The following DPYD variants were observed in gnomAD, a reference collection of about 807,000 sequenced individuals.
DPYD encodes the protein dihydropyrimidine dehydrogenase [NADP(+)].
A neutral mutation model predicts 116.2 loss-of-function variants in DPYD; 109 were observed. The ratio of observed to expected loss-of-function variants is 0.94; its 90% CI spans 0.80 to 1.10. The LOEUF (loss-of-function observed/expected upper bound fraction) is 1.10. Among genes scored for constraint, DPYD ranks in the 50% least tolerant of loss-of-function variants. The pLI, the probability that DPYD is intolerant of heterozygous loss-of-function variation, is 0.00. For synonymous variants in DPYD, 440 were observed against 432.0 expected, an observed-to-expected ratio of 1.02 and a Z score of -0.23; for missense variants, 1,302 against 1,254.5, an observed-to-expected ratio of 1.04 and a Z score of -0.57.
intron 2 of DPYD, among the ~76,000 whole-genome samples, chr1:97,840,361 G>T (rs934586186): frequency 6.6e-6 from 1 of 151,970 alleles, no homozygotes; most frequent in Admixed American, 6.6e-5. Flanking sequence ...GCATCCAAGC[G>T]GAAAATGGGG....
At chr1:97,856,130 G>A (rs1396342744) in intron 2 of DPYD, 1 of 152,100 alleles carries the variant, frequency 6.6e-6, no homozygotes, top group Non-Finnish European at 1.5e-5. Context: ...ACTGAAAGAG[G>A]GGAGGTCATA....
chr1:97,477,115 T>C (rs1200607979), intron 13 of DPYD, among the ~76,000 whole-genome samples: 1 of 152,208 alleles, frequency 6.6e-6, no homozygotes, highest in Non-Finnish European at 1.5e-5. Flanking sequence ...TGAAATTTGC[T>C]GTATCACTTG....
chr1:97,458,080 T>C (rs1270399781), intron 13 of DPYD, among the ~76,000 whole-genome samples: 1 of 152,224 alleles, frequency 6.6e-6, no homozygotes, highest in Non-Finnish European at 1.5e-5. Flanking sequence ...GATCATGTGA[T>C]ATGCTTTGAA....
intron 20 of DPYD, among the ~76,000 whole-genome samples, chr1:97,100,158 T>G (rs536889930): frequency 6.6e-6 from 1 of 152,194 alleles, no homozygotes; most frequent in East Asian, 1.9e-4. Context: ...ATAAAACAAG[T>G]GATACTGACT....
chr1:97,651,079 C>T (rs938780580), intron 8 of DPYD, among the ~76,000 whole-genome samples: 1 of 152,086 alleles, frequency 6.6e-6, no homozygotes, highest in Non-Finnish European at 1.5e-5. Context: ...TCTCTTTGGG[C>T]ACCGTTATTT....
chr1:97,396,694 A>G (rs1483671570), intron 14 of DPYD, among the ~76,000 whole-genome samples: 1 of 152,024 alleles, frequency 6.6e-6, no homozygotes, highest in African/African-American at 2.4e-5. Context: ...TTATCTTGAC[A>G]TATCAAACTG....
Position 97,107,022 on chromosome 1 carries a change from C to T in DPYD, c.2623-8390G>A, listed in dbSNP as rs565951102. On this transcript the variant is annotated intron_variant, in intron 20 of 22. Coordinates refer to ENST00000370192, the MANE Select transcript of DPYD (RefSeq NM_000110.4). ...GGAGAACTCTAATACACGTAGTATTCGGGAAACAGAGAACCAACACTGACT... is the reference window on the plus strand; with the variant it reads ...GGAGAACTCTAATACACGTAGTATTTGGGAAACAGAGAACCAACACTGACT... Among the ~76,000 whole-genome samples the T allele has an allele frequency of 1.8e-4, 28 of 152,122 alleles. 1 individual carries two copies. The highest frequency in any genetic ancestry group is 1.8e-3 in the Admixed American group (27 of 15,278).
At chr1:97,911,841 CAAT>C (rs1673953069) in intron 1 of DPYD, among the ~76,000 whole-genome samples, 1 of 152,016 alleles carries the variant, frequency 6.6e-6, no homozygotes, top group African/African-American at 2.4e-5. Flanking sequence ...CCATTCACGA[CAAT>C]AATCTGAGGT....
intron 20 of DPYD, among the ~76,000 whole-genome samples, chr1:97,108,255 G>C (rs1651320408): frequency 6.6e-6 from 1 of 152,124 alleles, no homozygotes; most frequent in African/African-American, 2.4e-5. Context: ...TTTGCTGTCA[G>C]CTGGTTTTGT....
rs1293267152 is a variant in DPYD at position 97,278,008 on chromosome 1, T to C, written c.2299+27251A>G. The stretch of plus-strand genomic sequence containing the variant: ...AGCCCTTTGTCTTTGGGATTTCTGA[T>C]CTATTTATTTAGTTTGTGATTGCCT... On this transcript the variant is annotated intron_variant, in intron 18 of 22. Transcript: ENST00000370192. Among the ~76,000 whole-genome samples the C allele has an allele frequency of 2.6e-5, 4 of 152,206 alleles. No homozygotes were observed. In the East Asian group the frequency reaches 5.8e-4, roughly 22 times the overall value.
intron 2 of DPYD, among the ~76,000 whole-genome samples, chr1:97,850,139 G>A (rs1670500478): frequency 6.6e-6 from 1 of 152,192 alleles, no homozygotes; most frequent in Non-Finnish European, 1.5e-5. Flanking sequence ...TGCACAAGCT[G>A]AGCTGTCTAA....
intron 16 of DPYD, among the ~76,000 whole-genome samples, chr1:97,323,345 C>CAT (rs200241550): frequency 0.3 from 6,511 of 22,026 alleles, 1,435 homozygotes; most frequent in East Asian, 0.5. Context: ...CGTATATATA[C>CAT]ATGTGTATAT....
intron 8 of DPYD, among the ~76,000 whole-genome samples, chr1:97,605,567 C>T (rs1346353713): frequency 6.6e-6 from 1 of 152,064 alleles, no homozygotes; most frequent in Non-Finnish European, 1.5e-5. Context: ...AATTAAACCT[C>T]TATCCTTTAT....
intron 19 of DPYD, among the ~76,000 whole-genome samples, chr1:97,226,686 T>C (rs1661191106): frequency 6.6e-6 from 1 of 152,112 alleles, no homozygotes; most frequent in Non-Finnish European, 1.5e-5. Context: ...AAGACCTGTA[T>C]ACTGAAAATT....
intron 10 of DPYD, among the ~76,000 whole-genome samples, chr1:97,592,557 C>T (rs558412938): frequency 3.2e-4 from 49 of 152,084 alleles, no homozygotes; most frequent in African/African-American, 9.6e-4. Context: ...TTAGTAGAGA[C>T]GGGGTTTCAC....
At chr1:97,844,205 T>C (rs982337883) in intron 2 of DPYD, among the ~76,000 whole-genome samples, 1 of 152,230 alleles carries the variant, frequency 6.6e-6, no homozygotes, top group African/African-American at 2.4e-5. Context: ...ACCATGGTGA[T>C]ACTGCAATAT....
At chr1:97,647,896 A>G (rs899675817) in intron 8 of DPYD, among the ~76,000 whole-genome samples, 3 of 151,992 alleles carry the variant, frequency 2.0e-5, no homozygotes, top group Non-Finnish European at 4.4e-5. Context: ...CAACTCATAC[A>G]TCTGATATTT....
chr1:97,490,269 A>T (rs11165884), intron 13 of DPYD, among the ~76,000 whole-genome samples: 26,886 of 150,188 alleles, frequency 0.18, 2,576 homozygotes, highest in East Asian at 0.26. Context: ...AAGAACAACC[A>T]TTCTGTCTCA....
intron 20 of DPYD, among the ~76,000 whole-genome samples, chr1:97,132,142 A>G (rs1653389564): frequency 6.6e-6 from 1 of 152,216 alleles, no homozygotes; most frequent in Admixed American, 6.5e-5. Context: ...ACACAATGTA[A>G]TTCCTTTATG....
Sources: allele counts gnomAD v4.1 joint callset (sites outside exome capture counted in the v4.1 genomes callset), GRCh38; gene constraint gnomAD v4.1.1; transcripts MANE v1.5; gene names NCBI Gene and HGNC (gene_info 2026-07-23, HGNC 2026-07-21).